Variants in PPM1M observed in about 807,000 individuals in gnomAD.
The protein encoded by PPM1M is protein phosphatase 1M.
PPM1M carries 44 observed loss-of-function variants against 50.8 expected under a neutral mutation model. The observed-to-expected ratio is 0.87, with a 90% CI of 0.68 to 1.11. PPM1M has a LOEUF of 1.11. PPM1M is among the 50% of genes most tolerant of loss of function. PPM1M has a pLI of 0.00. For synonymous variants in PPM1M, 224 were observed against 242.9 expected, an observed-to-expected ratio of 0.92 and a Z score of 0.72; for missense variants, 556 against 593.4, an observed-to-expected ratio of 0.94 and a Z score of 0.66.
intron 8 of PPM1M, 28 bp from the exon 9 acceptor site, chr3:52,249,146 G>A: frequency 1.9e-6 from 3 of 1,613,098 alleles, no homozygotes; most frequent in South Asian, 1.1e-5. Flanking sequence ...GGAAGGGAGT[G>A]TGCAGGATCC....
Position 52,246,029 on chromosome 3 carries a change from T to C in PPM1M, c.205T>C (p.Trp69Arg). Reference sequence around the variant, plus strand: ...CCCCGCACGAGGACGCACGCTACCCTGGAATGCAGGCTACGCCGAGTGAGT... The same window carrying C: ...CCCCGCACGAGGACGCACGCTACCCCGGAATGCAGGCTACGCCGAGTGAGT... ...RSPARGRTLP[W>R]NAGYAEIINA... is the part of the protein sequence containing the mutation. Residue 69 changes from tryptophan (W) to arginine (R), a missense_variant, in exon 1 of 10, where the codon TGG becomes CGG. Trp to Arg is a moderately radical substitution (Grantham distance 101, BLOSUM62 -3). Transcript: ENST00000323588. 6 of 1,215,834 alleles carry C rather than the reference T, an allele frequency of 4.9e-6. No homozygotes were observed. Among genetic ancestry groups the C allele is most frequent in the East Asian group, 7.9e-5 (1 of 12,672 alleles). 75.3% of individuals were successfully genotyped at this position (1,215,834 alleles called of 1,614,324 possible).
Position 52,249,757 on chromosome 3 carries a change from C to T in PPM1M, c.1323C>T (p.Asp441=), listed in dbSNP as rs61741642. The part of the protein sequence containing the change: ...LTEEGQVSYD[D]VSVFVIPLHS... ...AGGAAGGGCAGGTGTCCTACGATGA[C>T]GTCTCTGTGTTCGTGATTCCCTTGC... The change falls in exon 10 of 10, where the codon GAC becomes GAT. Residue 441 remains aspartate (D), a synonymous_variant. Transcript: ENST00000323588. The T allele has an allele frequency of 9.0e-4, 1,447 of 1,613,902 alleles. 7 individuals are homozygous for T. Among genetic ancestry groups the T allele is most frequent in the African/African-American group, 7.8e-3 (584 of 75,054 alleles).
intron 3 of PPM1M, 128 bp downstream of exon 3, chr3:52,247,356 T>C (rs926396973): frequency 3.7e-6 from 5 of 1,368,726 alleles, no homozygotes; most frequent in Non-Finnish European, 4.9e-6. Flanking sequence ...ATTGGGTTGG[T>C]TGGATTGTTA....
Position 52,250,124 on chromosome 3 carries a change from G to T in PPM1M, c.*310G>T, listed in dbSNP as rs1225637642. 6.7e-6 allele frequency: 2 copies of T among 297,652 alleles called. No homozygotes were observed. Among genetic ancestry groups the T allele is most frequent in the Admixed American group, 7.9e-5 (2 of 25,248 alleles). 18.4% of individuals were successfully genotyped at this position (297,652 alleles called of 1,614,324 possible). ...CAGACAGGATCTTGAACAGCCCAAA[G>T]TATCATTCTCAGATAGGGGCACCCA... On this transcript the variant is annotated 3_prime_UTR_variant, in exon 10 of 10. Transcript: ENST00000323588.
rs761703072 is a variant in PPM1M at position 52,247,239 on chromosome 3, G to A, written c.597+11G>A. ...GCCTTTCAGGAATGTGTGAGTGTGT[G>A]GCTTTTGGCTGGGGAAGAAGTGGAG... On this transcript the variant is annotated intron_variant, in intron 3 of 9. Coordinates refer to ENST00000323588, the MANE Select transcript of PPM1M (RefSeq NM_144641.4). 3.7e-6 allele frequency: 6 copies of A among 1,603,024 alleles called. No individual in the cohort carries two copies. In the Admixed American group the frequency reaches 8.5e-5, roughly 23 times the overall value.
At position 52,245,763 on chromosome 3, in the gene PPM1M, C is replaced by A; in HGVS notation, c.-62C>A. 1 of 852,662 alleles carries A rather than the reference C, an allele frequency of 1.2e-6. No homozygotes were observed. Among genetic ancestry groups the A allele is most frequent in the Non-Finnish European group, 1.4e-6 (1 of 709,928 alleles). 52.8% of individuals were successfully genotyped at this position (852,662 alleles called of 1,614,324 possible). A position where few individuals can be genotyped will look rare whatever the true frequency, so the allele number is the denominator to read the frequency against. On this transcript the variant is annotated 5_prime_UTR_variant, in exon 1 of 10. Coordinates refer to ENST00000323588, the MANE Select transcript of PPM1M (RefSeq NM_144641.4). This position sits in a 1 kb window ranked among gnomAD's most constrained non-coding sequence, Gnocchi z 4.8. ...GGCTCCGCCCGCGGCCCGCTTCTTC[C>A]TCCCGCGGGCGGCCCAGCCCTAGCG...
rs1248921440 is a variant in PPM1M at position 52,245,883 on chromosome 3, G to A, written c.59G>A (p.Arg20Gln). ...FLPGEPLPAP[R>Q]PPGPHASPVP... is the part of the protein sequence containing the mutation. ...CCTGGGGAGCCGCTCCCCGCGCCGC[G>A]GCCGCCTGGGCCGCATGCCAGCCCC... The change falls in exon 1 of 10, where the codon CGG becomes CAG. Residue 20 changes from arginine to glutamine, a missense_variant. Transcript: ENST00000323588. The surrounding 1 kb of genome is among the most constrained non-coding windows in gnomAD (Gnocchi z 4.8). The A allele has an allele frequency of 9.1e-7, 1 of 1,100,732 alleles. No homozygotes were observed. Among genetic ancestry groups the A allele is most frequent in the Non-Finnish European group, 1.1e-6 (1 of 892,418 alleles). 68.2% of individuals were successfully genotyped at this position (1,100,732 alleles called of 1,614,324 possible).
At chr3:52,246,548 CG>C in intron 1 of PPM1M, 146 bp from the exon 2 acceptor site, 1 of 490,958 alleles carries the variant, frequency 2.0e-6, no homozygotes, top group Non-Finnish European at 3.4e-6. Flanking sequence ...AAGCTTACAT[CG>C]TGGTTGTCTA....
chr3:52,246,867 C>T (rs1421563587), intron 2 of PPM1M, 55 bp downstream of exon 2: 9 of 1,491,542 alleles, frequency 6.0e-6, no homozygotes, highest in South Asian at 2.4e-5. Context: ...GGGGCCACGA[C>T]CTGCAGGCTG....
chr3:52,250,573 C>T lies in PPM1M; in HGVS notation c.*759C>T, dbSNP rs1699945454. ...TTGCTTTGTTTTCCCTGTCACCTCCCTATTATTAAATGTTTTCTACAGAAG... is the reference window on the plus strand; with the variant it reads ...TTGCTTTGTTTTCCCTGTCACCTCCTTATTATTAAATGTTTTCTACAGAAG... On this transcript the variant is annotated 3_prime_UTR_variant, in exon 10 of 10. Coordinates refer to ENST00000323588, the MANE Select transcript of PPM1M (RefSeq NM_144641.4). The T allele has an allele frequency of 6.6e-6, 1 of 152,340 alleles. No individual in the cohort carries two copies. The highest frequency in any genetic ancestry group is 1.5e-5 in the Non-Finnish European group (1 of 68,154). 9.4% of individuals were successfully genotyped at this position (152,340 alleles called of 1,614,324 possible). A position where few individuals can be genotyped will look rare whatever the true frequency, so the allele number is the denominator to read the frequency against.
intron 2 of PPM1M, 23 bp downstream of exon 2, chr3:52,246,835 G>A (rs1353448289): frequency 6.9e-7 from 1 of 1,450,528 alleles, no homozygotes; most frequent in African/African-American, 1.4e-5. Context: ...TGAGTTCTTG[G>A]CTGGAATCCC....
rs765866540 is a variant in PPM1M at position 52,248,163 on chromosome 3, G to T, written c.721G>T (p.Val241Leu). 2.5e-6 allele frequency: 4 copies of T among 1,612,148 alleles called. No homozygotes were observed. The Admixed American group carries it at 6.7e-5, about 27-fold the overall frequency. ...CTCTCCTCAATCCAGGGCCATCTTG[G>T]TGCGGAGAGATGAGATACGGCCACT... ...ANAGDSRAIL[V>L]RRDEIRPLSF... The change falls in exon 5 of 10, where the codon GTG becomes TTG. Residue 241 changes from valine to leucine, a missense_variant. Physicochemically the swap from Val to Leu is conservative, Grantham distance 32 (BLOSUM62 1). Coordinates refer to ENST00000323588, the MANE Select transcript of PPM1M (RefSeq NM_144641.4).
chr3:52,246,704 T>C lies in PPM1M; in HGVS notation c.234T>C (p.Asn78=), dbSNP rs1577994187. ...PWNAGYAEII[N]AEKSEFNEDQ... ...CATTTCCCGGCCTCAGGATTATCAA[T>C]GCAGAGAAATCTGAATTCAATGAGG... The change falls in exon 2 of 10, where the codon AAT becomes AAC. Residue 78 remains asparagine, a synonymous_variant. Transcript: ENST00000323588. The C allele has an allele frequency of 7.6e-7, 1 of 1,307,838 alleles. No individual in the cohort carries two copies. 81.0% of individuals were successfully genotyped at this position (1,307,838 alleles called of 1,614,324 possible).
Position 52,245,785 on chromosome 3 carries a change from AGCGCCCC to A in PPM1M, c.-35_-29del, listed in dbSNP as rs1699843749. Reference sequence around the variant, plus strand: ...TTCCTCCCGCGGGCGGCCCAGCCCTAGCGCCCCGCGCTCCGCGGGCAGCCCCCTGCCG... The same window carrying A: ...TTCCTCCCGCGGGCGGCCCAGCCCTAGCGCTCCGCGGGCAGCCCCCTGCCG... On this transcript the variant is annotated 5_prime_UTR_variant, in exon 1 of 10. Transcript: ENST00000323588. This position sits in a 1 kb window ranked among gnomAD's most constrained non-coding sequence, Gnocchi z 4.8. The A allele has an allele frequency of 1.0e-6, 1 of 961,982 alleles. No individual in the cohort carries two copies. Among genetic ancestry groups the A allele is most frequent in the African/African-American group, 1.8e-5 (1 of 56,134 alleles). The allele number at this position is 961,982 out of a possible 1,614,324, so 59.6% of individuals were successfully genotyped here. A position where few individuals can be genotyped will look rare whatever the true frequency, so the allele number is the denominator to read the frequency against.
At chr3:52,248,859 A>G (rs999349190) in intron 7 of PPM1M, 97 bp from the exon 8 acceptor site, 1 of 1,248,820 alleles carries the variant, frequency 8.0e-7, no homozygotes, top group African/African-American at 1.5e-5. Flanking sequence ...CAAGGGCCAC[A>G]GTCCACCTCT....
At position 52,245,773 on chromosome 3, in the gene PPM1M, C is replaced by A; in HGVS notation, c.-52C>A. ...GCGGCCCGCTTCTTCCTCCCGCGGG[C>A]GGCCCAGCCCTAGCGCCCCGCGCTC... On this transcript the variant is annotated 5_prime_UTR_variant, in exon 1 of 10. Coordinates refer to ENST00000323588, the MANE Select transcript of PPM1M (RefSeq NM_144641.4). This position sits in a 1 kb window ranked among gnomAD's most constrained non-coding sequence, Gnocchi z 4.8. The A allele has an allele frequency of 4.5e-6, 4 of 896,590 alleles. No homozygotes were observed. The highest frequency in any genetic ancestry group is 5.3e-6 in the Non-Finnish European group (4 of 750,250). The allele number at this position is 896,590 out of a possible 1,614,324, so 55.5% of individuals were successfully genotyped here.
chr3:52,248,335 GC>G lies in PPM1M; in HGVS notation c.798del (p.Phe267LeufsTer20), dbSNP rs1462016313. On this transcript the variant is annotated frameshift_variant and splice_region_variant, in exon 6 of 10. Transcript: ENST00000323588. LOFTEE classifies it high-confidence loss of function. ...CCTGAGCGCAGCCTCCCCACCCCAG[GC>G]CTTTGTCTATCCTGAGCTTCTGGCT... is the stretch of plus-strand genomic sequence containing the variant. ...ETERQRIQQL[A>X]FVYPELLAGE... 2 of 1,611,132 alleles carry G rather than the reference GC, an allele frequency of 1.2e-6. No homozygotes were observed. Among genetic ancestry groups the G allele is most frequent in the Non-Finnish European group, 1.7e-6 (2 of 1,178,724 alleles).
rs999798775 is a variant in PPM1M, at chr3:52,247,714, A to G, written c.630A>G (p.Ser210=). 6.2e-7 allele frequency: 1 copy of G among 1,604,946 alleles called. No homozygotes were observed. The highest frequency in any genetic ancestry group is 1.7e-5 in the Admixed American group (1 of 58,722). Residue 210 remains serine (S), a synonymous_variant, in exon 4 of 10, where the codon TCA becomes TCG. Coordinates refer to ENST00000323588, the MANE Select transcript of PPM1M (RefSeq NM_144641.4). The stretch of plus-strand genomic sequence containing the variant: ...TGATCGGGCGGGAGCTGGAGGCCTC[A>G]GGCCAGATGGGCGGCTGCACAGCCC... ...DEVIGRELEA[S]GQMGGCTALV...
At chr3:52,248,301 G>A (rs1429785551) in intron 5 of PPM1M, 34 bp from the exon 6 acceptor site, 1 of 1,605,118 alleles carries the variant, frequency 6.2e-7, no homozygotes, top group African/African-American at 1.3e-5. Context: ...GCCATAAGAA[G>A]GAGTATGACC....
Sources: allele counts gnomAD v4.1 joint callset, GRCh38; gene constraint gnomAD v4.1.1; non-coding constraint Gnocchi (gnomAD v3.1); transcripts MANE v1.5; gene names NCBI Gene and HGNC (gene_info 2026-07-23, HGNC 2026-07-21).